Variants in MDM2 observed in about 807,000 individuals in gnomAD.
The protein encoded by MDM2 is E3 ubiquitin-protein ligase Mdm2.
MDM2 carries 11 observed loss-of-function variants against 64.3 expected under a neutral mutation model. The ratio of observed to expected loss-of-function variants is 0.17; its 90% CI spans 0.11 to 0.28. The LOEUF is 0.28. MDM2 is among the 10% of genes least tolerant of loss of function. The probability of loss-of-function intolerance (pLI) is 1.00; values close to 1 mark genes in which losing one functional copy is unlikely to be tolerated. For synonymous variants in MDM2, 194 were observed against 192.9 expected (o/e 1.01, Z -0.05); for missense variants, 388 against 577.1 (o/e 0.67, Z 3.36).
rs1232612984 is a variant in MDM2 at position 68,845,047 on chromosome 12, C to T, written c.*5198C>T. 5.3e-5 allele frequency: 11 copies of T among 206,620 alleles called. No individual in the cohort carries two copies. Among genetic ancestry groups the T allele is most frequent in the East Asian group, 7.3e-5 (1 of 13,648 alleles). 12.8% of individuals were successfully genotyped at this position (206,620 alleles called of 1,614,324 possible). A position where few individuals can be genotyped will look rare whatever the true frequency, so the allele number is the denominator to read the frequency against. On this transcript the variant is annotated 3_prime_UTR_variant, in exon 11 of 11. Transcript: ENST00000258149. ...CCCCCCAAAGTGCTGTGATTACAGG[C>T]GTGAGCCGCCACGCCCAGCCTAATA... is the stretch of plus-strand genomic sequence containing the variant.
intron 5 of MDM2, among the ~76,000 whole-genome samples, chr12:68,823,721 G>A (rs1184188525): frequency 6.6e-6 from 1 of 152,170 alleles, no homozygotes; most frequent in African/African-American, 2.4e-5. Context: ...CTCTCTGGAT[G>A]TAATATTTTC....
At chr12:68,822,987 C>A (rs1276794355) in intron 5 of MDM2, among the ~76,000 whole-genome samples, 2 of 152,184 alleles carry the variant, frequency 1.3e-5, no homozygotes, top group African/African-American at 4.8e-5. Flanking sequence ...GTGATCCTCC[C>A]ACCTTGGCCT....
In MDM2 at chr12:68,828,777, A is replaced by G. The variant is rs375746507; in HGVS notation, c.530A>G (p.Asn177Ser). The G allele has an allele frequency of 6.2e-7, 1 of 1,613,810 alleles. No individual in the cohort carries two copies. The highest frequency in any genetic ancestry group is 1.3e-5 in the African/African-American group (1 of 74,904). Reference sequence around the variant, plus strand: ...TTTTTCCTTACATATCCAGAAGAAAATTCAGATGAATTATCTGGTGAACGA... The same window carrying G: ...TTTTTCCTTACATATCCAGAAGAAAGTTCAGATGAATTATCTGGTGAACGA... ...RRRAISETEENSDELSGERQR... is the reference protein window; with the variant it reads ...RRRAISETEESSDELSGERQR... The change falls in exon 8 of 11, where the codon AAT becomes AGT. Residue 177 changes from asparagine (N) to serine (S), a missense_variant. Asn to Ser is a conservative substitution (Grantham distance 46). Coordinates refer to ENST00000258149, the MANE Select transcript of MDM2 (RefSeq NM_002392.6).
chr12:68,846,463 G>A (rs557627849), downstream of MDM2: 1 of 152,094 alleles, frequency 6.6e-6, no homozygotes, highest in African/African-American at 2.4e-5. Flanking sequence ...AAATTTTAGC[G>A]CTTTTGCCTG....
downstream of MDM2, chr12:68,849,397 TTTTTG>T (rs1351323861): frequency 8.1e-6 from 1 of 123,702 alleles, no homozygotes; most frequent in Non-Finnish European, 1.8e-5. Flanking sequence ...GCCGTTTTTT[TTTTTG>T]TTGTTGTTGT....
chr12:68,833,290 T>TAAAA lies in MDM2; in HGVS notation c.685-2538_685-2537insAAAA, dbSNP rs1565744047. On this transcript the variant is annotated intron_variant, in intron 8 of 10. Transcript: ENST00000258149. ...TTATATATTTATATAAATATAAATATATATATTTATATAAATATAAAAATA... is the reference window on the plus strand; with the variant it reads ...TTATATATTTATATAAATATAAATATAAAAATATATTTATATAAATATAAAAATA... Among the ~76,000 whole-genome samples, 271 of 97,560 alleles carry TAAAA rather than the reference T, an allele frequency of 2.8e-3. 15 individuals are homozygous for TAAAA. Among genetic ancestry groups the TAAAA allele is most frequent in the African/African-American group, 5.0e-3 (77 of 15,424 alleles). The allele number at this position is 97,560 out of a possible 152,430, so 64.0% of individuals were successfully genotyped here.
intron 3 of MDM2, among the ~76,000 whole-genome samples, chr12:68,815,424 T>A (rs1452014652): frequency 6.9e-6 from 1 of 145,690 alleles, no homozygotes; most frequent in Admixed American, 6.9e-5. Context: ...CTGGGGCCAG[T>A]TTCTTCTTCT....
chr12:68,813,757 G>A, intron 3 of MDM2, 129 bp downstream of exon 3: 2 of 645,516 alleles, frequency 3.1e-6, no homozygotes, highest in South Asian at 4.0e-5. Flanking sequence ...TTAATTTTGT[G>A]GTCGTTTGGA....
At chr12:68,829,247 A>C (rs1882599511) in intron 8 of MDM2, among the ~76,000 whole-genome samples, 1 of 150,874 alleles carries the variant, frequency 6.6e-6, no homozygotes, top group East Asian at 1.9e-4. Context: ...AATAAATTGG[A>C]GTATAGAGTT....
intron 3 of MDM2, among the ~76,000 whole-genome samples, chr12:68,814,076 G>A (rs1881142939): frequency 6.6e-6 from 1 of 152,128 alleles, no homozygotes; most frequent in Non-Finnish European, 1.5e-5. Context: ...TTTTTGAGAC[G>A]AAGTCTCGCT....
chr12:68,820,220 G>C (rs1881726303), intron 4 of MDM2, 105 bp from the exon 5 acceptor site: 1 of 812,926 alleles, frequency 1.2e-6, no homozygotes. Context: ...GTGTGCAGTA[G>C]TTCATACTAA....
rs144972734 is a variant in MDM2 at position 68,841,872 on chromosome 12, A to G, written c.*2023A>G. 1 of 217,968 alleles carries G rather than the reference A, an allele frequency of 4.6e-6. No homozygotes were observed. The highest frequency in any genetic ancestry group is 6.9e-5 in the East Asian group (1 of 14,482). 13.5% of individuals were successfully genotyped at this position (217,968 alleles called of 1,614,324 possible). ...ATGTGGAATTCCAAGATACCTCTTG[A>G]CTTCCTCTCAAGCTCCGTGTTTGGT... On this transcript the variant is annotated 3_prime_UTR_variant, in exon 11 of 11. Transcript: ENST00000258149.
intron 7 of MDM2, among the ~76,000 whole-genome samples, chr12:68,826,978 CA>C (rs1882387210): frequency 1.3e-5 from 2 of 152,064 alleles, no homozygotes; most frequent in South Asian, 4.1e-4. Flanking sequence ...AGATTGAGAC[CA>C]TCCTGGCTAA....
At chr12:68,838,885 T>C (rs1477290174) in intron 10 of MDM2, among the ~76,000 whole-genome samples, 3 of 149,400 alleles carry the variant, frequency 2.0e-5, no homozygotes, top group Non-Finnish European at 4.4e-5. Context: ...TACTCTACTT[T>C]AGGAGAGACT....
Position 68,844,517 on chromosome 12 carries a change from G to C in MDM2, c.*4668G>C, listed in dbSNP as rs1344232757. On this transcript the variant is annotated 3_prime_UTR_variant, in exon 11 of 11. Transcript: ENST00000258149. ...GTAGCTGGGACAGGGAGGGGAGTTT[G>C]GGCTAGCCACCGTACCACTTGTCAG... 6 of 228,798 alleles carry C rather than the reference G, an allele frequency of 2.6e-5. No individual in the cohort carries two copies. Among genetic ancestry groups the C allele is most frequent in the African/African-American group, 6.7e-5 (3 of 45,046 alleles). 14.2% of individuals were successfully genotyped at this position (228,798 alleles called of 1,614,324 possible).
rs369940545 is a variant in MDM2, at chr12:68,839,895, T to C, written c.*46T>C. 24 of 1,521,076 alleles carry C rather than the reference T, an allele frequency of 1.6e-5. No individual in the cohort carries two copies. Among genetic ancestry groups the C allele is most frequent in the African/African-American group, 1.4e-5 (1 of 70,966 alleles). The allele number at this position is 1,521,076 out of a possible 1,614,324, so 94.2% of individuals were successfully genotyped here. A position where few individuals can be genotyped will look rare whatever the true frequency, so the allele number is the denominator to read the frequency against. ...TTATATATTTCTAACTATATAACCC[T>C]AGGAATTTAGACAACCTGAAATTTA... On this transcript the variant is annotated 3_prime_UTR_variant, in exon 11 of 11. Transcript: ENST00000258149.
intron 8 of MDM2, among the ~76,000 whole-genome samples, chr12:68,830,495 A>G (rs1882707134): frequency 6.6e-6 from 1 of 152,210 alleles, no homozygotes; most frequent in South Asian, 2.1e-4. Flanking sequence ...TACAGTTGAG[A>G]TGGCACTGCA....
intron 8 of MDM2, among the ~76,000 whole-genome samples, chr12:68,835,502 A>G (rs1054176115): frequency 6.6e-6 from 1 of 152,204 alleles, no homozygotes; most frequent in African/African-American, 2.4e-5. Flanking sequence ...TTCGATGCCA[A>G]GAGGCTTTGG....
rs924629188 is a variant in MDM2, at chr12:68,812,383, A to G, written c.100-1171A>G. Among the ~76,000 whole-genome samples the G allele has an allele frequency of 3.7e-4, 56 of 152,264 alleles. 1 individual carries two copies. Among genetic ancestry groups the G allele is most frequent in the Admixed American group, 3.9e-4 (6 of 15,288 alleles). On this transcript the variant is annotated intron_variant, in intron 2 of 10. Transcript: ENST00000258149. The stretch of plus-strand genomic sequence containing the variant: ...AAAGTTAGACAGAGGACCGGGGCAT[A>G]TTAAAGAGAGGTGCAGAGGTACCAG...
Sources: allele counts gnomAD v4.1 joint callset (sites outside exome capture counted in the v4.1 genomes callset), GRCh38; gene constraint gnomAD v4.1.1; transcripts MANE v1.5; gene names NCBI Gene and HGNC (gene_info 2026-07-23, HGNC 2026-07-21).